The following LSMEM2 variants were observed in gnomAD, a reference collection of about 807,000 sequenced individuals.
The protein encoded by LSMEM2 is leucine-rich single-pass membrane protein 2.
Under a neutral mutation model 17.3 loss-of-function variants are expected in LSMEM2, and 20 were observed. The ratio of observed to expected loss-of-function variants is 1.16; its 90% CI spans 0.81 to 1.68. LSMEM2 has a LOEUF of 1.68. Among genes scored for constraint, LSMEM2 ranks in the 40% most tolerant of loss-of-function variants. The pLI, the probability that LSMEM2 is intolerant of heterozygous loss-of-function variation, is 0.00. For missense variants in LSMEM2, 207 were observed against 214.3 expected, an observed-to-expected ratio of 0.97 and a Z score of 0.21; for synonymous variants, 94 against 97.8, an observed-to-expected ratio of 0.96 and a Z score of 0.23.
chr3:50,282,231 C>T (rs1443877029), intron 1 of LSMEM2, among the ~76,000 whole-genome samples: 1 of 152,062 alleles, frequency 6.6e-6, no homozygotes, highest in Non-Finnish European at 1.5e-5. Flanking sequence ...TCAAATGATC[C>T]TCCTGCCTTG....
intron 1 of LSMEM2, among the ~76,000 whole-genome samples, chr3:50,283,117 G>A (rs961704224): frequency 2.0e-5 from 3 of 151,742 alleles, no homozygotes; most frequent in East Asian, 3.9e-4. Flanking sequence ...CCTGGGAGGC[G>A]GAGGTTGCAG....
rs782669619 is a variant in LSMEM2, at chr3:50,286,683, T to C, written c.182T>C (p.Leu61Pro). ...ISDLHSGAGT[L>P]RPYLTEEARP... is the part of the protein sequence containing the mutation. ...TGTCCCATCCACCCAGCAGGCACAC[T>C]GCGCCCCTATCTAACTGAAGAGGCA... Residue 61 changes from leucine (L) to proline (P), a missense_variant, in exon 3 of 4, where the codon CTG becomes CCG. Physicochemically the swap from Leu to Pro is moderately conservative, Grantham distance 98 (BLOSUM62 -3). Coordinates refer to ENST00000316436, the MANE Select transcript of LSMEM2 (RefSeq NM_153215.3). 1.7e-5 allele frequency: 28 copies of C among 1,613,742 alleles called. No individual in the cohort carries two copies. In the African/African-American group the frequency reaches 2.1e-4, roughly 12 times the overall value.
At position 50,287,137 on chromosome 3, in the gene LSMEM2, C is replaced by T. The variant is rs1553708699; in HGVS notation, c.430C>T (p.Leu144Phe). ...LRTQEETLLK[L>F]RLASLSQLRR... Reference sequence around the variant, plus strand: ...CACGCAGGAGGAGACACTACTCAAACTCCGCTTGGCCAGCCTCAGCCAGCT... The same window carrying T: ...CACGCAGGAGGAGACACTACTCAAATTCCGCTTGGCCAGCCTCAGCCAGCT... Residue 144 changes from leucine (L) to phenylalanine (F), a missense_variant, in exon 4 of 4, where the codon CTC (leucine) becomes TTC (phenylalanine). Transcript: ENST00000316436. The T allele has an allele frequency of 6.2e-7, 1 of 1,614,176 alleles. No individual in the cohort carries two copies. The highest frequency in any genetic ancestry group is 1.1e-5 in the South Asian group (1 of 91,090).
chr3:50,285,565 A>C (rs954777556), intron 1 of LSMEM2, among the ~76,000 whole-genome samples: 4 of 150,646 alleles, frequency 2.7e-5, no homozygotes, highest in Non-Finnish European at 5.9e-5. Context: ...GCTTGAACCC[A>C]GGAGGTGGAA....
chr3:50,285,885 C>T (rs1701508451), intron 1 of LSMEM2, among the ~76,000 whole-genome samples: 1 of 152,038 alleles, frequency 6.6e-6, no homozygotes, highest in South Asian at 2.1e-4. Context: ...CCTAGATGCC[C>T]AGGCAGCCTC....
Position 50,286,661 on chromosome 3 carries a change from C to T in LSMEM2, c.173-13C>T. The T allele has an allele frequency of 6.2e-7, 1 of 1,612,438 alleles. No individual in the cohort carries two copies. The highest frequency in any genetic ancestry group is 2.2e-5 in the East Asian group (1 of 44,836). On this transcript the variant is annotated splice_polypyrimidine_tract_variant and intron_variant, in intron 2 of 3. Coordinates refer to ENST00000316436, the MANE Select transcript of LSMEM2 (RefSeq NM_153215.3). The stretch of plus-strand genomic sequence containing the variant: ...GGTGCACCCACCACCCTCCCAATGT[C>T]CCATCCACCCAGCAGGCACACTGCG...
At chr3:50,279,059 C>A, upstream of LSMEM2, 2 of 1,588,314 alleles carry the variant, frequency 1.3e-6, no homozygotes, top group Non-Finnish European at 8.6e-7. Flanking sequence ...GGCAGCCAGG[C>A]CTTCCCTGGG....
In LSMEM2 at chr3:50,281,309, C is replaced by A. The variant is rs587753677; in HGVS notation, c.58+2138C>A. Among the ~76,000 whole-genome samples, 3 of 150,978 alleles carry A rather than the reference C, an allele frequency of 2.0e-5. No homozygotes were observed. The South Asian group carries it at 6.3e-4, about 32-fold the overall frequency. ...TCTCCTGACCTCGTGACCTGCCCAC[C>A]TCGGCCTTCCAAAGTGCTGGGATTA... On this transcript the variant is annotated intron_variant, in intron 1 of 3. Transcript: ENST00000316436.
chr3:50,285,597 G>A (rs1230904919), intron 1 of LSMEM2, among the ~76,000 whole-genome samples: 9 of 152,176 alleles, frequency 5.9e-5, no homozygotes, highest in Admixed American at 2.6e-4. Flanking sequence ...GCGAGATCAC[G>A]ACATAGCACT....
Position 50,286,487 on chromosome 3 carries a change from G to C in LSMEM2, c.75G>C (p.Met25Ile). 1 of 1,607,092 alleles carries C rather than the reference G, an allele frequency of 6.2e-7. No homozygotes were observed. The highest frequency in any genetic ancestry group is 8.5e-7 in the Non-Finnish European group (1 of 1,177,650). Residue 25 changes from methionine (M) to isoleucine (I), a missense_variant, in exon 2 of 4, where the codon ATG (methionine) becomes ATC (isoleucine). Met to Ile is a conservative substitution (Grantham distance 10). Transcript: ENST00000316436. The stretch of plus-strand genomic sequence containing the variant: ...CCCCTGCAGACTCCGTGGCGCCAAT[G>C]ATGCCCAGCCAGAGGAGCAGGGGGC... ...EETQEDSVAP[M>I]MPSQRSRGPL...
upstream of LSMEM2, chr3:50,279,022 C>A: frequency 1.5e-6 from 2 of 1,354,634 alleles, no homozygotes; most frequent in South Asian, 2.4e-5. Flanking sequence ...GGGCTGAGCT[C>A]AGGCCTATTT....
intron 1 of LSMEM2, among the ~76,000 whole-genome samples, chr3:50,285,679 C>G (rs1211393423): frequency 6.6e-6 from 1 of 152,156 alleles, no homozygotes; most frequent in Non-Finnish European, 1.5e-5. Context: ...GCTCTTGGAT[C>G]CAGTAATTCC....
intron 1 of LSMEM2, 81 bp from the exon 2 acceptor site, chr3:50,286,390 G>A (rs781908654): frequency 5.4e-5 from 81 of 1,494,006 alleles, no homozygotes; most frequent in South Asian, 4.1e-4. Context: ...TCATCCGCAA[G>A]TCCTTGCTGC....
At chr3:50,277,934 T>A (rs968906082), upstream of LSMEM2, among the ~76,000 whole-genome samples, 2 of 152,168 alleles carry the variant, frequency 1.3e-5, no homozygotes, top group East Asian at 3.9e-4. Context: ...CCCACTGCAC[T>A]CCAGCCTGGG....
intron 1 of LSMEM2, among the ~76,000 whole-genome samples, chr3:50,282,331 A>C (rs1701421028): frequency 6.6e-6 from 1 of 152,332 alleles, no homozygotes; most frequent in African/African-American, 2.4e-5. Context: ...CCACCCAGAC[A>C]TAATGACTGG....
chr3:50,286,530 G>C lies in LSMEM2; in HGVS notation c.118G>C (p.Val40Leu). The C allele has an allele frequency of 6.2e-7, 1 of 1,612,226 alleles. No homozygotes were observed. Among genetic ancestry groups the C allele is most frequent in the Non-Finnish European group, 8.5e-7 (1 of 1,179,378 alleles). ...RSRGPLAPNH[V>L]HEVCLHQVES... ...CAGGGGGCCATTGGCCCCCAACCACGTGCATGAGGTATGCCTGCACCAGGT... is the reference window on the plus strand; with the variant it reads ...CAGGGGGCCATTGGCCCCCAACCACCTGCATGAGGTATGCCTGCACCAGGT... The change falls in exon 2 of 4, where the codon GTG becomes CTG. Residue 40 changes from valine (V) to leucine (L), a missense_variant. Transcript: ENST00000316436.
chr3:50,287,606 T>G lies in LSMEM2; in HGVS notation c.*404T>G. On this transcript the variant is annotated 3_prime_UTR_variant, in exon 4 of 4. Coordinates refer to ENST00000316436, the MANE Select transcript of LSMEM2 (RefSeq NM_153215.3). ...CAGCTCTTAAAGACAGGCTGGGCTC[T>G]GAGTAGGGGGAGAGGCACCACCTGG... is the stretch of plus-strand genomic sequence containing the variant. 1 of 256,488 alleles carries G rather than the reference T, an allele frequency of 3.9e-6. No individual in the cohort carries two copies. The highest frequency in any genetic ancestry group is 5.3e-5 in the South Asian group (1 of 18,826). The allele number at this position is 256,488 out of a possible 1,614,324, so 15.9% of individuals were successfully genotyped here.
chr3:50,283,775 G>A (rs1701453934), intron 1 of LSMEM2, among the ~76,000 whole-genome samples: 1 of 152,174 alleles, frequency 6.6e-6, no homozygotes, highest in Non-Finnish European at 1.5e-5. Context: ...CTCCAGCCAG[G>A]GCAACAGAGA....
intron 1 of LSMEM2, among the ~76,000 whole-genome samples, chr3:50,280,323 T>G (rs1459143177): frequency 3.3e-5 from 5 of 151,808 alleles, no homozygotes; most frequent in Admixed American, 3.3e-4. Flanking sequence ...CCCGGCTAAT[T>G]TTTGTATTTT....
Sources: allele counts gnomAD v4.1 joint callset (sites outside exome capture counted in the v4.1 genomes callset), GRCh38; gene constraint gnomAD v4.1.1; transcripts MANE v1.5; gene names NCBI Gene and HGNC (gene_info 2026-07-23, HGNC 2026-07-21).